The following ZSCAN4 variants were observed in gnomAD, a reference collection of about 807,000 sequenced individuals.
The protein encoded by ZSCAN4 is zinc finger and SCAN domain containing 4, also known as zinc finger and SCAN domain-containing protein 4.
Under a neutral mutation model 18.3 loss-of-function variants are expected in ZSCAN4, and 18 were observed. That is an observed-to-expected ratio of 0.98 (90% CI 0.68 to 1.46). The LOEUF (loss-of-function observed/expected upper bound fraction) is 1.46. Ranked by LOEUF, ZSCAN4 falls within the 40% of genes most tolerant of loss-of-function variation. ZSCAN4 has a pLI of 0.00. For missense variants in ZSCAN4, 498 were observed against 511.4 expected (o/e 0.97, Z 0.25); for synonymous variants, 193 against 180.3 (o/e 1.07, Z -0.57).
Position 57,678,146 on chromosome 19 carries a change from T to C in ZSCAN4, c.563-20T>C, listed in dbSNP as rs376326739. ...GGACCCCTTCTTAAGTACAACTTCATTGAGTGTCTATTTTCACAGGATATG... is the reference window on the plus strand; with the variant it reads ...GGACCCCTTCTTAAGTACAACTTCACTGAGTGTCTATTTTCACAGGATATG... On this transcript the variant is annotated intron_variant, in intron 4 of 4. Transcript: ENST00000318203. 19 of 1,607,208 alleles carry C rather than the reference T, an allele frequency of 1.2e-5. No individual in the cohort carries two copies. The African/African-American group carries it at 1.2e-4, about 10-fold the overall frequency.
intron 2 of ZSCAN4, 54 bp from the exon 3 acceptor site, chr19:57,675,987 G>A (rs891226527): frequency 7.0e-6 from 5 of 715,126 alleles, no homozygotes; most frequent in Non-Finnish European, 1.1e-5. Context: ...TGGTTGATTT[G>A]TCTTTAATTA....
At chr19:57,663,023 C>T in the ZSCAN4 span, among the ~76,000 whole-genome samples, 1 of 151,544 alleles carries the variant, frequency 6.6e-6, no homozygotes, top group East Asian at 2.0e-4. Flanking sequence ...CCCCTCACCC[C>T]CCACCCCCAA....
At chr19:57,666,981 G>T (rs955927755), upstream of ZSCAN4, among the ~76,000 whole-genome samples, 33 of 152,036 alleles carry the variant, frequency 2.2e-4, no homozygotes, top group Non-Finnish European at 4.0e-4. Context: ...GGAAACAAAG[G>T]TTATTTTCCT....
chr19:57,676,170 T>C (rs368303085), exon 3 of ZSCAN4: 22 of 1,612,518 alleles, frequency 1.4e-5, no homozygotes, highest in East Asian at 2.2e-5. Context: ...AAGAACCATA[T>C]TTCAGTGTGA....
At chr19:57,673,136 T>C (rs952289657) in intron 2 of ZSCAN4, among the ~76,000 whole-genome samples, 1 of 150,280 alleles carries the variant, frequency 6.7e-6, no homozygotes, top group Non-Finnish European at 1.5e-5. Context: ...GCAACCTCCA[T>C]CTCCTGGGTT....
chr19:57,677,578 A>G (rs1984225303), intron 3 of ZSCAN4, among the ~76,000 whole-genome samples: 1 of 152,212 alleles, frequency 6.6e-6, no homozygotes, highest in South Asian at 2.1e-4. Flanking sequence ...AATCAATAAT[A>G]TATATTAAAT....
At chr19:57,657,620 A>C in the ZSCAN4 span, among the ~76,000 whole-genome samples, 1 of 152,170 alleles carries the variant, frequency 6.6e-6, no homozygotes, top group Non-Finnish European at 1.5e-5. Flanking sequence ...TCCTAAGTAT[A>C]ACCTCAAGAG....
intron 2 of ZSCAN4, among the ~76,000 whole-genome samples, chr19:57,671,787 C>T (rs1478829733): frequency 2.9e-4 from 44 of 152,158 alleles, no homozygotes; most frequent in Admixed American, 2.7e-3. Context: ...CCAGGATCAC[C>T]TCTGCCTTAT....
At chr19:57,653,919 C>T in the ZSCAN4 span, among the ~76,000 whole-genome samples, 4 of 152,158 alleles carry the variant, frequency 2.6e-5, no homozygotes, top group Non-Finnish European at 5.9e-5. Context: ...AAACAGGTCC[C>T]CCATTCCAGA....
chr19:57,666,713 G>A (rs956038053), upstream of ZSCAN4, among the ~76,000 whole-genome samples: 7 of 151,972 alleles, frequency 4.6e-5, no homozygotes, highest in Non-Finnish European at 7.4e-5. Context: ...GTGAAACCCC[G>A]TCTCTACTAA....
At chr19:57,657,701 C>T in the ZSCAN4 span, among the ~76,000 whole-genome samples, 1 of 152,002 alleles carries the variant, frequency 6.6e-6, no homozygotes, top group South Asian at 2.1e-4. Context: ...TTCCAGGACC[C>T]CCAAGGATAC....
the ZSCAN4 span, among the ~76,000 whole-genome samples, chr19:57,661,845 G>A: frequency 6.6e-6 from 1 of 152,178 alleles, no homozygotes; most frequent in African/African-American, 2.4e-5. Flanking sequence ...ACTTTGGGAG[G>A]CTGAGGTGGG....
upstream of ZSCAN4, among the ~76,000 whole-genome samples, chr19:57,668,290 T>C (rs1215129594): frequency 2.0e-5 from 3 of 152,014 alleles, no homozygotes; most frequent in Non-Finnish European, 2.9e-5. Flanking sequence ...ACATAGTTGG[T>C]GACAGGACCT....
exon 5 of ZSCAN4, chr19:57,678,189 T>G (rs1487251498): frequency 5.0e-6 from 8 of 1,614,032 alleles, no homozygotes; most frequent in Non-Finnish European, 1.7e-6. Context: ...ACAAGATGGC[T>G]GGAACAGTTC....
intron 2 of ZSCAN4, among the ~76,000 whole-genome samples, chr19:57,672,509 A>G (rs1984052801): frequency 6.6e-6 from 1 of 152,102 alleles, no homozygotes; most frequent in African/African-American, 2.4e-5. Context: ...TTTAAGGTGT[A>G]CAATGTGACA....
chr19:57,673,023 A>G (rs1984069207), intron 2 of ZSCAN4, among the ~76,000 whole-genome samples: 1 of 152,110 alleles, frequency 6.6e-6, no homozygotes, highest in South Asian at 2.1e-4. Flanking sequence ...CCTGAGAAGG[A>G]CATGGTGACA....
the ZSCAN4 span, among the ~76,000 whole-genome samples, chr19:57,661,071 T>G: frequency 6.6e-6 from 1 of 152,216 alleles, no homozygotes; most frequent in Non-Finnish European, 1.5e-5. Context: ...ATTTTAAGAT[T>G]TCTCTTCCAA....
At chr19:57,659,337 G>T in the ZSCAN4 span, among the ~76,000 whole-genome samples, 39 of 152,182 alleles carry the variant, frequency 2.6e-4, no homozygotes, top group Non-Finnish European at 1.6e-4. Context: ...TTAATTTTGT[G>T]TGTTGATATA....
chr19:57,671,721 G>A (rs1009168433), intron 2 of ZSCAN4, among the ~76,000 whole-genome samples: 9 of 152,174 alleles, frequency 5.9e-5, no homozygotes, highest in African/African-American at 2.2e-4. Context: ...GAAGCATTAT[G>A]ACAACTGGGT....
Sources: gnomAD v4.1 joint callset for allele counts (sites outside exome capture counted in the v4.1 genomes callset) on GRCh38, gnomAD v4.1.1 for gene constraint, MANE v1.5 for transcripts, NCBI Gene and HGNC (gene_info 2026-07-23, HGNC 2026-07-21) for gene names.